The following TRAPPC13 variants were observed in gnomAD, a reference collection of about 807,000 sequenced individuals.
The protein encoded by TRAPPC13 is REV7-interacting novel NHEJ regulator 1.
TRAPPC13 carries 39 observed loss-of-function variants against 54.0 expected under a neutral mutation model. That is an observed-to-expected ratio of 0.72 (90% confidence interval 0.56 to 0.94). TRAPPC13 has a LOEUF of 0.94. TRAPPC13 is among the 40% of genes least tolerant of loss of function. The pLI is 0.00. For synonymous variants in TRAPPC13, 148 were observed against 167.7 expected, an observed-to-expected ratio of 0.88 and a Z score of 0.91; for missense variants, 386 against 488.1, an observed-to-expected ratio of 0.79 and a Z score of 1.97.
chr5:65,652,737 A>T (rs1227552301), intron 7 of TRAPPC13, 192 bp downstream of exon 7: 4 of 637,310 alleles, frequency 6.3e-6, no homozygotes, highest in Non-Finnish European at 1.1e-5. Context: ...GCTTACATGG[A>T]ATCAATGTGT....
At chr5:65,660,388 C>T (rs1324828148) in intron 9 of TRAPPC13, among the ~76,000 whole-genome samples, 3 of 151,358 alleles carry the variant, frequency 2.0e-5, no homozygotes, top group African/African-American at 7.3e-5. Flanking sequence ...CCACTGTACT[C>T]CAGCCTGGGT....
intron 4 of TRAPPC13, among the ~76,000 whole-genome samples, chr5:65,641,718 A>AC (rs907909955): frequency 1.3e-5 from 2 of 151,438 alleles, no homozygotes; most frequent in African/African-American, 4.8e-5. Flanking sequence ...CTGAGAAAAA[A>AC]AAAAAAACAA....
intron 4 of TRAPPC13, among the ~76,000 whole-genome samples, chr5:65,640,264 G>A (rs1755913165): frequency 6.6e-6 from 1 of 152,224 alleles, no homozygotes; most frequent in African/African-American, 2.4e-5. Flanking sequence ...CAGGCCAGGT[G>A]TGGTGGCTCC....
At chr5:65,644,036 A>G (rs1756088168) in intron 4 of TRAPPC13, among the ~76,000 whole-genome samples, 1 of 152,152 alleles carries the variant, frequency 6.6e-6, no homozygotes, top group Admixed American at 6.5e-5. Context: ...TCTTCTGTTT[A>G]CATTTTTATT....
intron 1 of TRAPPC13, chr5:65,629,365 A>G (rs1755418462): frequency 1.2e-6 from 1 of 811,978 alleles, no homozygotes; most frequent in Non-Finnish European, 1.7e-6. Flanking sequence ...GTAAAATACC[A>G]CATTGGGATT....
intron 4 of TRAPPC13, among the ~76,000 whole-genome samples, chr5:65,640,146 T>C (rs1264347798): frequency 6.6e-6 from 1 of 152,190 alleles, no homozygotes; most frequent in Non-Finnish European, 1.5e-5. Context: ...CCAAATTTGG[T>C]CCATTGTCTG....
At chr5:65,628,012 G>A (rs957857349) in intron 1 of TRAPPC13, among the ~76,000 whole-genome samples, 1 of 152,154 alleles carries the variant, frequency 6.6e-6, no homozygotes, top group Non-Finnish European at 1.5e-5. Flanking sequence ...GATTTTTGGG[G>A]AGAAGGGATT....
chr5:65,630,934 G>C (rs1449073912), intron 1 of TRAPPC13: 1 of 154,334 alleles, frequency 6.5e-6, no homozygotes, highest in African/African-American at 2.4e-5. Context: ...ATTAATGATA[G>C]TTAGTGCTAA....
intron 1 of TRAPPC13, among the ~76,000 whole-genome samples, chr5:65,628,468 T>A (rs1210334303): frequency 6.6e-6 from 1 of 151,940 alleles, no homozygotes; most frequent in African/African-American, 2.4e-5. Context: ...ATAATTTTTT[T>A]TTTTTTTTTG....
rs1327748939 is a variant in TRAPPC13 at position 65,651,860 on chromosome 5, T to G, written c.502-641T>G. ...TGATTCAGTTTTTTTTTTTTTTTTT[T>G]TTTTTTTTTTTTTTTTTTTTGAGAT... On this transcript the variant is annotated intron_variant, in intron 6 of 12. Coordinates refer to ENST00000399438, the MANE Select transcript of TRAPPC13 (RefSeq NM_024941.4). Among the ~76,000 whole-genome samples, 14 of 113,624 alleles carry G rather than the reference T, an allele frequency of 1.2e-4. 1 individual carries two copies. Among genetic ancestry groups the G allele is most frequent in the South Asian group, 9.5e-4 (3 of 3,152 alleles). The allele number at this position is 113,624 out of a possible 152,430, so 74.5% of individuals were successfully genotyped here.
At chr5:65,652,434 G>C in intron 6 of TRAPPC13, 67 bp from the exon 7 acceptor site, 3 of 1,031,596 alleles carry the variant, frequency 2.9e-6, no homozygotes, top group South Asian at 1.4e-5. Flanking sequence ...TACACTATTT[G>C]ATTTAAATAA....
At chr5:65,630,175 A>G in intron 1 of TRAPPC13, 1 of 1,536,050 alleles carries the variant, frequency 6.5e-7, no homozygotes, top group South Asian at 1.2e-5. Context: ...GGCACAATGA[A>G]CTTCCATCTT....
At chr5:65,633,662 TTTG>T (rs1252042973) in intron 1 of TRAPPC13, among the ~76,000 whole-genome samples, 3 of 152,114 alleles carry the variant, frequency 2.0e-5, no homozygotes, top group African/African-American at 7.2e-5. Flanking sequence ...ATTTTATGTT[TTTG>T]TTTTTATTTT....
intron 5 of TRAPPC13, among the ~76,000 whole-genome samples, chr5:65,649,613 G>A (rs1409900353): frequency 6.6e-6 from 1 of 152,078 alleles, no homozygotes; most frequent in Non-Finnish European, 1.5e-5. Flanking sequence ...GCCAGTTATG[G>A]TACTGTGATT....
At chr5:65,635,057 G>A in intron 1 of TRAPPC13, 1 of 544,908 alleles carries the variant, frequency 1.8e-6, no homozygotes, top group Non-Finnish European at 2.3e-6. Context: ...AATGCATATT[G>A]TATTTACATT....
chr5:65,659,907 G>T (rs918966968), intron 9 of TRAPPC13, among the ~76,000 whole-genome samples: 1 of 146,244 alleles, frequency 6.8e-6, no homozygotes, highest in Admixed American at 7.0e-5. Context: ...AGGCTGCAGT[G>T]AGCCATGATT....
chr5:65,651,852 T>G (rs868728604), intron 6 of TRAPPC13, among the ~76,000 whole-genome samples: 586 of 25,768 alleles, frequency 0.023, 3 homozygotes, highest in Non-Finnish European at 0.031. Flanking sequence ...GTTTTTTTTT[T>G]TTTTTTTTTT....
intron 2 of TRAPPC13, 59 bp downstream of exon 2, chr5:65,635,428 G>T: frequency 7.3e-7 from 1 of 1,376,018 alleles, no homozygotes; most frequent in Non-Finnish European, 1.0e-6. Context: ...TGAATTGCCT[G>T]CATTACCTTG....
rs1756974811 is a variant in TRAPPC13 at position 65,664,669 on chromosome 5, C to T, written c.*58C>T. Reference sequence around the variant, plus strand: ...TTTCACAGAACTGCTCTTTTTGTTACCTTTGTAAAATGATGACGTCAACAA... The same window carrying T: ...TTTCACAGAACTGCTCTTTTTGTTATCTTTGTAAAATGATGACGTCAACAA... On this transcript the variant is annotated 3_prime_UTR_variant, in exon 13 of 13. Coordinates refer to ENST00000399438, the MANE Select transcript of TRAPPC13 (RefSeq NM_024941.4). 4 of 1,284,076 alleles carry T rather than the reference C, an allele frequency of 3.1e-6. No individual in the cohort carries two copies. The highest frequency in any genetic ancestry group is 4.4e-6 in the Non-Finnish European group (4 of 905,340). 79.5% of individuals were successfully genotyped at this position (1,284,076 alleles called of 1,614,324 possible).
Sources: gnomAD v4.1 joint callset for allele counts (sites outside exome capture counted in the v4.1 genomes callset) on GRCh38, gnomAD v4.1.1 for gene constraint, MANE v1.5 for transcripts, NCBI Gene and HGNC (gene_info 2026-07-23, HGNC 2026-07-21) for gene names.